LAMB4: variants seen among roughly 807,000 people sequenced by gnomAD.
LAMB4 encodes laminin subunit beta-4.
A neutral mutation model predicts 199.2 loss-of-function variants in LAMB4; 196 were observed. That is an observed-to-expected ratio of 0.98 (90% CI 0.88 to 1.11). The LOEUF is 1.11. Ranked by LOEUF, LAMB4 falls within the 50% of genes least tolerant of loss-of-function variation. LAMB4 has a pLI of 0.00. For synonymous variants in LAMB4, 744 were observed against 770.6 expected (o/e 0.97, Z 0.57); for missense variants, 2,080 against 2,171.2 (o/e 0.96, Z 0.83).
intron 1 of LAMB4, among the ~76,000 whole-genome samples, chr7:108,130,029 A>G (rs1029747033): frequency 2.0e-5 from 3 of 152,236 alleles, no homozygotes; most frequent in East Asian, 3.8e-4. Flanking sequence ...TCAACACTAC[A>G]TCATTTGAAG....
intron 17 of LAMB4, among the ~76,000 whole-genome samples, chr7:108,071,291 A>G (rs950702573): frequency 3.9e-5 from 6 of 152,010 alleles, no homozygotes; most frequent in African/African-American, 1.5e-4. Flanking sequence ...CCAATGCAAT[A>G]CTTCTCCCCT....
chr7:108,055,872 C>T lies in LAMB4; in HGVS notation c.3515G>A (p.Cys1172Tyr). ...ARGHSQEFPT[C>Y]LQCHLCFDQW... Reference sequence around the variant, plus strand: ...ATCAAAGCACAAGTGACATTGAAGACAAGTAGGGAATTCCTGGCTGTGTCC... The same window carrying T: ...ATCAAAGCACAAGTGACATTGAAGATAAGTAGGGAATTCCTGGCTGTGTCC... The change falls in exon 25 of 34, where the codon TGT (cysteine) becomes TAT (tyrosine). Residue 1172 changes from cysteine (C) to tyrosine (Y), a missense_variant. Transcript: ENST00000388781. The T allele has an allele frequency of 6.2e-7, 1 of 1,614,156 alleles. No individual in the cohort carries two copies. Among genetic ancestry groups the T allele is most frequent in the Non-Finnish European group, 8.5e-7 (1 of 1,180,030 alleles).
At chr7:108,052,325 C>T in intron 25 of LAMB4, 68 bp from the exon 26 acceptor site, 4 of 1,274,054 alleles carry the variant, frequency 3.1e-6, no homozygotes, top group Admixed American at 2.6e-5. Flanking sequence ...GAAAAAAATG[C>T]CACCAAAATT....
At chr7:108,049,884 GAATATA>G (rs775495928) in intron 26 of LAMB4, among the ~76,000 whole-genome samples, 4 of 152,128 alleles carry the variant, frequency 2.6e-5, no homozygotes, top group Non-Finnish European at 5.9e-5. Context: ...GAGATAATAT[GAATATA>G]TTCTGTAAAT....
chr7:108,127,824 T>G (rs2038848232), intron 1 of LAMB4, among the ~76,000 whole-genome samples: 1 of 152,124 alleles, frequency 6.6e-6, no homozygotes, highest in African/African-American at 2.4e-5. Context: ...GCTGTCGTGT[T>G]GGGGTGAGTA....
chr7:108,024,113 A>T lies in LAMB4; in HGVS notation c.5212T>A (p.Leu1738Met), dbSNP rs776699125. The T allele has an allele frequency of 6.2e-7, 1 of 1,605,452 alleles. No individual in the cohort carries two copies. The highest frequency in any genetic ancestry group is 8.5e-7 in the Non-Finnish European group (1 of 1,174,122). ...RQAKADQLRI[L>M]EDQVVAIKNE... ...TTAATGGCAACAACTTGATCTTCCAATATTCTCAGTTGATCAGCTTTTGCT... is the reference window on the plus strand; with the variant it reads ...TTAATGGCAACAACTTGATCTTCCATTATTCTCAGTTGATCAGCTTTTGCT... The change falls in exon 34 of 34, where the codon TTG becomes ATG. Residue 1738 changes from leucine (L) to methionine (M), a missense_variant. Transcript: ENST00000388781.
At chr7:108,051,232 T>C (rs1483526099) in intron 26 of LAMB4, among the ~76,000 whole-genome samples, 2 of 152,228 alleles carry the variant, frequency 1.3e-5, no homozygotes, top group African/African-American at 4.8e-5. Context: ...ACATCTTTGC[T>C]AGAATTTGTT....
chr7:108,089,633 T>G (rs952879640), intron 14 of LAMB4, among the ~76,000 whole-genome samples: 2 of 152,334 alleles, frequency 1.3e-5, no homozygotes, highest in Admixed American at 1.3e-4. Context: ...GTGTGCACAT[T>G]GTACAACATC....
rs1434926377 is a variant in LAMB4, at chr7:108,039,508, G to A, written c.4472-1913C>T. On this transcript the variant is annotated intron_variant, in intron 29 of 33. Coordinates refer to ENST00000388781, the MANE Select transcript of LAMB4 (RefSeq NM_007356.3). ...TTTTGAGATGGTGTCTCGCTGTATC[G>A]CTCAGGCTGGAGTGCAGTGGTGCGA... Among the ~76,000 whole-genome samples, 3 of 142,678 alleles carry A rather than the reference G, an allele frequency of 2.1e-5. No individual in the cohort carries two copies. In the Admixed American group the frequency reaches 2.2e-4, roughly 10 times the overall value. The allele number at this position is 142,678 out of a possible 152,430, so 93.6% of individuals were successfully genotyped here. A position where few individuals can be genotyped will look rare whatever the true frequency, so the allele number is the denominator to read the frequency against.
intron 23 of LAMB4, among the ~76,000 whole-genome samples, chr7:108,060,720 CA>C (rs1217393853): frequency 3.3e-5 from 5 of 152,112 alleles, no homozygotes; most frequent in Admixed American, 6.5e-5. Flanking sequence ...GGACTATCCC[CA>C]AAAGTATAAA....
chr7:108,024,410 A>T (rs1425200092), intron 33 of LAMB4, among the ~76,000 whole-genome samples: 1 of 152,240 alleles, frequency 6.6e-6, no homozygotes, highest in South Asian at 2.1e-4. Context: ...GCATTTATCA[A>T]TGTGAGGCTA....
intron 14 of LAMB4, among the ~76,000 whole-genome samples, chr7:108,082,146 C>T (rs775228059): frequency 3.3e-5 from 5 of 151,924 alleles, no homozygotes; most frequent in South Asian, 2.1e-4. Flanking sequence ...TTGGCTAACA[C>T]GGTGAAACCC....
chr7:108,026,688 G>A, intron 33 of LAMB4: 1 of 239,004 alleles, frequency 4.2e-6, no homozygotes. Context: ...CTGGGACCCC[G>A]ACTGACACCA....
At chr7:108,103,335 T>C in intron 9 of LAMB4, 103 bp from the exon 10 acceptor site, 1 of 916,278 alleles carries the variant, frequency 1.1e-6, no homozygotes. Flanking sequence ...CTTGTCCTCC[T>C]GCCATTTCGT....
At chr7:108,036,774 T>G (rs2035245212) in intron 30 of LAMB4, among the ~76,000 whole-genome samples, 1 of 151,978 alleles carries the variant, frequency 6.6e-6, no homozygotes, top group Non-Finnish European at 1.5e-5. Flanking sequence ...GTTAGTTAAC[T>G]CTGTATACCA....
chr7:108,020,093 GGATGTGCA>G (rs1218585577), downstream of LAMB4, among the ~76,000 whole-genome samples: 2 of 151,988 alleles, frequency 1.3e-5, no homozygotes, highest in African/African-American at 4.8e-5. Context: ...CCCTACTCTG[GGATGTGCA>G]GATTCCATCC....
At chr7:108,120,929 T>C (rs76550849) in intron 2 of LAMB4, among the ~76,000 whole-genome samples, 159 of 152,344 alleles carry the variant, frequency 1.0e-3, no homozygotes, top group African/African-American at 3.6e-3. Context: ...GAAATTTAAC[T>C]ATTATTCCTG....
chr7:108,070,409 C>G (rs1015335331), intron 17 of LAMB4, among the ~76,000 whole-genome samples: 1 of 152,148 alleles, frequency 6.6e-6, no homozygotes, highest in African/African-American at 2.4e-5. Context: ...CCAGAACTGA[C>G]GCTTGAACAA....
At position 108,037,402 on chromosome 7, in the gene LAMB4, C is replaced by T. The variant is rs142526812; in HGVS notation, c.4665G>A (p.Lys1555=). ...ACAGTACTTACTCAGCTGCTTTGGC[C>T]TTCACCAAAAGCTTTTGGGCTCCAT... ...EADGAQKLLV[K]AKAAEKAANI... The change falls in exon 30 of 34, where the codon AAG becomes AAA. Residue 1555 remains lysine (K), a synonymous_variant. Coordinates refer to ENST00000388781, the MANE Select transcript of LAMB4 (RefSeq NM_007356.3). 4 of 1,613,668 alleles carry T rather than the reference C, an allele frequency of 2.5e-6. No homozygotes were observed. In the African/African-American group the frequency reaches 4.0e-5, roughly 16 times the overall value.
Sources: gnomAD v4.1 joint callset for allele counts (sites outside exome capture counted in the v4.1 genomes callset) on GRCh38, gnomAD v4.1.1 for gene constraint, MANE v1.5 for transcripts, NCBI Gene and HGNC (gene_info 2026-07-23, HGNC 2026-07-21) for gene names.